The following TMEM135 variants were observed in gnomAD, a reference collection of about 807,000 sequenced individuals.
The protein encoded by TMEM135 is transmembrane protein 135, also known as peroxisomal membrane protein 52.
Under a neutral mutation model 60.3 loss-of-function variants are expected in TMEM135, and 30 were observed. The ratio of observed to expected loss-of-function variants is 0.50; its 90% CI spans 0.37 to 0.68. The LOEUF is 0.68. Ranked by LOEUF, TMEM135 falls within the 30% of genes least tolerant of loss-of-function variation. The probability of loss-of-function intolerance (pLI) is 0.00; values close to 1 mark genes in which losing one functional copy is unlikely to be tolerated. For synonymous variants in TMEM135, 190 were observed against 186.7 expected (o/e 1.02, Z -0.14); for missense variants, 468 against 548.8 (o/e 0.85, Z 1.47).
At chr11:87,172,911 T>C (rs1044960229) in intron 5 of TMEM135, among the ~76,000 whole-genome samples, 6 of 151,836 alleles carry the variant, frequency 4.0e-5, no homozygotes, top group African/African-American at 1.4e-4. Flanking sequence ...TTGATATTTC[T>C]TATGCACAAA....
At chr11:87,054,997 A>G (rs980438855) in intron 1 of TMEM135, among the ~76,000 whole-genome samples, 9 of 152,184 alleles carry the variant, frequency 5.9e-5, no homozygotes, top group African/African-American at 2.2e-4. Flanking sequence ...TACAATGAGT[A>G]AGAAATACTG....
intron 1 of TMEM135, among the ~76,000 whole-genome samples, chr11:87,056,837 G>A (rs1949898857): frequency 6.6e-6 from 1 of 152,166 alleles, no homozygotes; most frequent in Non-Finnish European, 1.5e-5. Flanking sequence ...TGGAGAGACT[G>A]GAACAAATAT....
rs186460395 is a variant in TMEM135 at position 87,321,565 on chromosome 11, A to G, written c.*232A>G. 985 of 656,664 alleles carry G rather than the reference A, an allele frequency of 1.5e-3. 5 individuals carry two copies. Among genetic ancestry groups the G allele is most frequent in the Non-Finnish European group, 1.8e-3 (650 of 358,182 alleles). 40.7% of individuals were successfully genotyped at this position (656,664 alleles called of 1,614,324 possible). A position where few individuals can be genotyped will look rare whatever the true frequency, so the allele number is the denominator to read the frequency against. On this transcript the variant is annotated 3_prime_UTR_variant, in exon 15 of 15. Transcript: ENST00000305494. ...AATAAGATTCTGGATCACTGTAGTG[A>G]CTGACATTATATATTATTGATCAAA...
At chr11:87,251,403 A>C (rs1409516627) in intron 6 of TMEM135, among the ~76,000 whole-genome samples, 1 of 152,160 alleles carries the variant, frequency 6.6e-6, no homozygotes, top group Non-Finnish European at 1.5e-5. Context: ...TTTAGGTGCT[A>C]CTGTTAGCTG....
At chr11:87,094,218 T>G (rs1857271842) in intron 4 of TMEM135, among the ~76,000 whole-genome samples, 1 of 152,186 alleles carries the variant, frequency 6.6e-6, no homozygotes, top group Non-Finnish European at 1.5e-5. Context: ...TTGGAATGTT[T>G]GAATGTCAAT....
intron 5 of TMEM135, among the ~76,000 whole-genome samples, chr11:87,183,333 G>T (rs1175237219): frequency 6.6e-6 from 1 of 150,692 alleles, no homozygotes; most frequent in African/African-American, 2.4e-5. Flanking sequence ...AGTAGTGACG[G>T]GGTTTCACCA....
intron 4 of TMEM135, among the ~76,000 whole-genome samples, chr11:87,101,141 T>A (rs186146036): frequency 1.6e-4 from 24 of 152,332 alleles, no homozygotes; most frequent in Non-Finnish European, 3.1e-4. Flanking sequence ...GAATGAAATG[T>A]ATATAGAAAG....
At chr11:87,077,839 T>A (rs1856906131) in intron 3 of TMEM135, among the ~76,000 whole-genome samples, 1 of 152,222 alleles carries the variant, frequency 6.6e-6, no homozygotes, top group Non-Finnish European at 1.5e-5. Flanking sequence ...TATAATGGAG[T>A]CATACAATAT....
At chr11:87,120,472 C>CTTTTTTTTTTTTTT (rs541561365) in intron 4 of TMEM135, among the ~76,000 whole-genome samples, 1 of 104,254 alleles carries the variant, frequency 9.6e-6, no homozygotes, top group Non-Finnish European at 1.8e-5. Flanking sequence ...GATGAAATTT[C>CTTTTTTTTTTTTTT]TTTTTTTTTT....
chr11:87,185,410 G>A (rs770063200), intron 5 of TMEM135, among the ~76,000 whole-genome samples: 3 of 152,078 alleles, frequency 2.0e-5, no homozygotes, highest in Non-Finnish European at 4.4e-5. Context: ...GCTTCTCACA[G>A]TCTGATTTTT....
Position 87,309,487 on chromosome 11 carries a change from T to TC in TMEM135, c.769-17dup, listed in dbSNP as rs1565166593. ...AAAATTTGTTTGTAAATCAGGTTTTTCTCCAAATTTCCTCTAGGGTTTCAT... is the reference window on the plus strand; with the variant it reads ...AAAATTTGTTTGTAAATCAGGTTTTTCCTCCAAATTTCCTCTAGGGTTTCAT... On this transcript the variant is annotated splice_polypyrimidine_tract_variant and intron_variant, in intron 9 of 14. Coordinates refer to ENST00000305494, the MANE Select transcript of TMEM135 (RefSeq NM_022918.4). The TC allele has an allele frequency of 6.2e-7, 1 of 1,613,356 alleles. No individual in the cohort carries two copies. The highest frequency in any genetic ancestry group is 1.1e-5 in the South Asian group (1 of 91,004).
At chr11:87,182,712 G>T (rs1393426688) in intron 5 of TMEM135, among the ~76,000 whole-genome samples, 1 of 151,936 alleles carries the variant, frequency 6.6e-6, no homozygotes, top group East Asian at 1.9e-4. Flanking sequence ...AAATTTTTGT[G>T]TTTTTTAACT....
At chr11:87,213,665 T>C (rs1216778393) in intron 5 of TMEM135, among the ~76,000 whole-genome samples, 1 of 152,226 alleles carries the variant, frequency 6.6e-6, no homozygotes, top group Non-Finnish European at 1.5e-5. Flanking sequence ...GTTTCTGTTT[T>C]GTTCTTCCAA....
At chr11:87,158,637 A>AT (rs35695205) in intron 5 of TMEM135, among the ~76,000 whole-genome samples, 31 of 151,018 alleles carry the variant, frequency 2.1e-4, no homozygotes, top group Middle Eastern at 3.4e-3. Context: ...AATTTTTTGT[A>AT]TTTTTTTTAC....
At chr11:87,171,709 A>G (rs978429449) in intron 5 of TMEM135, among the ~76,000 whole-genome samples, 11 of 152,178 alleles carry the variant, frequency 7.2e-5, no homozygotes, top group African/African-American at 2.7e-4. Flanking sequence ...GCAGCTTTGT[A>G]TACCCTTTCT....
intron 5 of TMEM135, among the ~76,000 whole-genome samples, chr11:87,175,822 A>G (rs1297544896): frequency 5.3e-5 from 8 of 152,178 alleles, no homozygotes; most frequent in Non-Finnish European, 1.2e-4. Context: ...TGAATGTATT[A>G]GAAGACACAG....
At chr11:87,262,841 AT>A (rs35483907) in intron 6 of TMEM135, among the ~76,000 whole-genome samples, 53,654 of 151,952 alleles carry the variant, frequency 0.35, 10,030 homozygotes, top group Non-Finnish European at 0.42. Flanking sequence ...TCTACAAAAT[AT>A]TGGATACATG....
chr11:87,101,760 A>G (rs1271398503), intron 4 of TMEM135, among the ~76,000 whole-genome samples: 1 of 152,192 alleles, frequency 6.6e-6, no homozygotes, highest in Non-Finnish European at 1.5e-5. Context: ...AGATCACCAG[A>G]GGTTGGGAGT....
intron 1 of TMEM135, among the ~76,000 whole-genome samples, chr11:87,038,886 A>C (rs1949727731): frequency 6.6e-6 from 1 of 152,132 alleles, no homozygotes; most frequent in East Asian, 1.9e-4. Flanking sequence ...TTAATAGGGA[A>C]TATTTGGCAG....
Sources: allele counts gnomAD v4.1 joint callset (sites outside exome capture counted in the v4.1 genomes callset), GRCh38; gene constraint gnomAD v4.1.1; transcripts MANE v1.5; gene names NCBI Gene and HGNC (gene_info 2026-07-23, HGNC 2026-07-21).